MAF: variants seen among roughly 807,000 people sequenced by gnomAD.
MAF encodes the protein MAF bZIP transcription factor.
Under a neutral mutation model 22.0 loss-of-function variants are expected in MAF, and 10 were observed. The observed-to-expected ratio is 0.45, with a 90% CI of 0.28 to 0.77. MAF has a LOEUF of 0.77. Ranked by LOEUF, MAF falls within the 30% of genes least tolerant of loss-of-function variation. MAF has a pLI of 0.12. For missense variants in MAF, 544 were observed against 548.4 expected (o/e 0.99, Z 0.08); for synonymous variants, 337 against 255.8 (o/e 1.32, Z -3.03).
the MAF span, among the ~76,000 whole-genome samples, chr16:79,337,051 G>A: frequency 6.6e-6 from 1 of 152,148 alleles, no homozygotes. Flanking sequence ...AATAGGCTCT[G>A]GCATGCTCCC....
At chr16:79,527,371 C>G in the MAF span, among the ~76,000 whole-genome samples, 1 of 152,170 alleles carries the variant, frequency 6.6e-6, no homozygotes, top group East Asian at 1.9e-4. Flanking sequence ...CCCCAAGTGA[C>G]AAAAATCATT....
At chr16:79,413,030 A>G in the MAF span, among the ~76,000 whole-genome samples, 1 of 152,162 alleles carries the variant, frequency 6.6e-6, no homozygotes, top group Non-Finnish European at 1.5e-5. Flanking sequence ...AACAGTAAGT[A>G]GAGAAAAAAA....
At chr16:79,290,134 G>A in the MAF span, among the ~76,000 whole-genome samples, 1 of 152,122 alleles carries the variant, frequency 6.6e-6, no homozygotes, top group Non-Finnish European at 1.5e-5. Context: ...TGGGATTACA[G>A]GCCTGAGCCA....
the MAF span, among the ~76,000 whole-genome samples, chr16:79,236,001 A>G: frequency 6.6e-6 from 1 of 151,870 alleles, no homozygotes; most frequent in East Asian, 1.9e-4. Flanking sequence ...ATCCTATTCC[A>G]CAGTCATATC....
At chr16:79,438,779 C>T in the MAF span, among the ~76,000 whole-genome samples, 2 of 152,096 alleles carry the variant, frequency 1.3e-5, no homozygotes, top group Non-Finnish European at 1.5e-5. Flanking sequence ...TGAAAAGAAG[C>T]GCTAGGAAGA....
chr16:79,233,033 G>A, the MAF span, among the ~76,000 whole-genome samples: 1 of 151,492 alleles, frequency 6.6e-6, no homozygotes, highest in African/African-American at 2.4e-5. Context: ...GTAGAGACTG[G>A]GTGTCACCGT....
chr16:79,576,588 T>G, the MAF span, among the ~76,000 whole-genome samples: 11 of 152,214 alleles, frequency 7.2e-5, no homozygotes, highest in East Asian at 2.1e-3. Flanking sequence ...TAAACTAACG[T>G]TGTATGTTTT....
chr16:79,384,377 AGAGGTTGCAGT>A, the MAF span, among the ~76,000 whole-genome samples: 1 of 148,954 alleles, frequency 6.7e-6, no homozygotes, highest in African/African-American at 2.5e-5. Context: ...CCTGGGAGGC[AGAGGTTGCAGT>A]GAGCCAAGAT....
At chr16:79,524,368 G>A in the MAF span, among the ~76,000 whole-genome samples, 1 of 152,304 alleles carries the variant, frequency 6.6e-6, no homozygotes, top group East Asian at 1.9e-4. Flanking sequence ...TTGAGGCTGG[G>A]TTTTGTAGAT....
the MAF span, among the ~76,000 whole-genome samples, chr16:79,431,429 G>A: frequency 6.6e-6 from 1 of 152,082 alleles, no homozygotes; most frequent in Non-Finnish European, 1.5e-5. Context: ...CAGTGTAGTG[G>A]GCTTGAAATA....
At chr16:79,207,382 G>C in the MAF span, among the ~76,000 whole-genome samples, 1 of 152,162 alleles carries the variant, frequency 6.6e-6, no homozygotes, top group Non-Finnish European at 1.5e-5. Context: ...CTTTGTCCTG[G>C]GACGTTAGTC....
the MAF span, among the ~76,000 whole-genome samples, chr16:79,377,887 A>G: frequency 6.6e-6 from 1 of 152,078 alleles, no homozygotes; most frequent in Admixed American, 6.6e-5. Flanking sequence ...ATTGGTCTAT[A>G]TCTCTGTTTT....
downstream of MAF, among the ~76,000 whole-genome samples, chr16:79,589,873 G>T (rs1408026634): frequency 1.3e-5 from 2 of 152,206 alleles, no homozygotes; most frequent in Non-Finnish European, 2.9e-5. Context: ...GCGCCGGGCG[G>T]CGTCGTGGGC....
the MAF span, among the ~76,000 whole-genome samples, chr16:79,274,970 T>C: frequency 2.6e-5 from 4 of 152,208 alleles, no homozygotes; most frequent in Non-Finnish European, 4.4e-5. Flanking sequence ...ATAAAGACTA[T>C]TGCATGGTAG....
chr16:79,372,577 C>T, the MAF span, among the ~76,000 whole-genome samples: 5 of 152,314 alleles, frequency 3.3e-5, no homozygotes, highest in African/African-American at 1.2e-4. Context: ...ATGTCTTAGC[C>T]GTGGTGACCT....
At chr16:79,470,191 G>C in the MAF span, among the ~76,000 whole-genome samples, 1 of 152,222 alleles carries the variant, frequency 6.6e-6, no homozygotes, top group Admixed American at 6.5e-5. Flanking sequence ...GAGCGGCGGA[G>C]ATAGGAACTC....
the MAF span, among the ~76,000 whole-genome samples, chr16:79,508,536 G>A: frequency 2.6e-5 from 4 of 152,242 alleles, no homozygotes; most frequent in East Asian, 5.8e-4. Flanking sequence ...TCTCCAGTGC[G>A]TTCTTGGCAC....
the MAF span, among the ~76,000 whole-genome samples, chr16:79,543,601 T>C: frequency 6.6e-6 from 1 of 152,082 alleles, no homozygotes; most frequent in Non-Finnish European, 1.5e-5. Flanking sequence ...TAACATAATA[T>C]GGTGCTCCTC....
Position 79,593,933 on chromosome 16 carries a change from C to T in MAF, c.*527G>A, listed in dbSNP as rs1567561770. The T allele has an allele frequency of 5.0e-6, 1 of 200,850 alleles. No individual in the cohort carries two copies. The highest frequency in any genetic ancestry group is 1.0e-5 in the Non-Finnish European group (1 of 97,554). The allele number at this position is 200,850 out of a possible 1,614,324, so 12.4% of individuals were successfully genotyped here. ...TTTGACATCACTGATAAATGCAACACCGTCTAGGGCCTACGAGAAAACCAG... is the reference window on the plus strand; with the variant it reads ...TTTGACATCACTGATAAATGCAACATCGTCTAGGGCCTACGAGAAAACCAG... On this transcript the variant is annotated 3_prime_UTR_variant, in exon 2 of 2. Coordinates refer to ENST00000326043, the MANE Select transcript of MAF (RefSeq NM_005360.5).
Sources: allele counts gnomAD v4.1 joint callset (sites outside exome capture counted in the v4.1 genomes callset), GRCh38; gene constraint gnomAD v4.1.1; transcripts MANE v1.5; gene names NCBI Gene and HGNC (gene_info 2026-07-23, HGNC 2026-07-21).